NCR1: variants seen among roughly 807,000 people sequenced by gnomAD.
NCR1 encodes NK cell-activating receptor.
Under a neutral mutation model 32.5 loss-of-function variants are expected in NCR1, and 30 were observed. The ratio of observed to expected loss-of-function variants is 0.92; its 90% CI spans 0.69 to 1.25. The LOEUF (loss-of-function observed/expected upper bound fraction) is 1.25, where lower values mean the gene tolerates loss of function less well. Ranked by LOEUF, NCR1 falls within the 50% of genes most tolerant of loss-of-function variation. The pLI, the probability that NCR1 is intolerant of heterozygous loss-of-function variation, is 0.00. For missense variants in NCR1, 369 were observed against 380.7 expected (o/e 0.97, Z 0.26); for synonymous variants, 169 against 143.4 (o/e 1.18, Z -1.28).
At chr19:54,936,760 C>G in the NCR1 span, among the ~76,000 whole-genome samples, 1 of 151,982 alleles carries the variant, frequency 6.6e-6, no homozygotes, top group Non-Finnish European at 1.5e-5. Context: ...ACTAAAAATA[C>G]AAAAATTAGC....
At chr19:54,909,708 G>A (rs754120027) in intron 4 of NCR1, among the ~76,000 whole-genome samples, 185 bp downstream of exon 4, 6 of 152,002 alleles carry the variant, frequency 3.9e-5, no homozygotes, top group Non-Finnish European at 7.4e-5. Flanking sequence ...ATGGTAAGGC[G>A]GGTGGATCAC....
chr19:54,934,057 A>C, the NCR1 span, among the ~76,000 whole-genome samples: 2 of 152,040 alleles, frequency 1.3e-5, no homozygotes, highest in South Asian at 2.1e-4. The surrounding 1 kb of genome is among the most constrained non-coding windows in gnomAD (Gnocchi z 6.7). Flanking sequence ...CATTCTGCTG[A>C]CTCAGCCTCC....
the NCR1 span, among the ~76,000 whole-genome samples, chr19:54,928,806 G>A: frequency 9.7e-6 from 1 of 103,560 alleles, no homozygotes; most frequent in Admixed American, 1.0e-4. Context: ...GAAGCCTTTG[G>A]TTTTGTTTTT....
At chr19:54,933,583 T>C in the NCR1 span, 1 of 1,614,042 alleles carries the variant, frequency 6.2e-7, no homozygotes, top group African/African-American at 1.3e-5. Context: ...AGGTCTGCAG[T>C]TTACAATCAG....
chr19:54,918,050 G>A (rs544515004), downstream of NCR1, among the ~76,000 whole-genome samples: 13 of 151,792 alleles, frequency 8.6e-5, no homozygotes, highest in East Asian at 1.2e-3. Context: ...TCCGCCTCCC[G>A]GGATCACACC....
downstream of NCR1, among the ~76,000 whole-genome samples, chr19:54,917,114 C>T (rs564190438): frequency 6.6e-6 from 1 of 151,944 alleles, no homozygotes; most frequent in East Asian, 2.0e-4. Flanking sequence ...ACTTCTCTGG[C>T]TTTCTCGGAC....
At chr19:54,912,584 A>G (rs2068025943) in intron 6 of NCR1, 106 bp from the exon 7 acceptor site, 1 of 920,716 alleles carries the variant, frequency 1.1e-6, no homozygotes. Context: ...GGGCGACAAG[A>G]CTGAGGCTCT....
chr19:54,911,316 T>C (rs982946211), intron 5 of NCR1, among the ~76,000 whole-genome samples: 2 of 144,058 alleles, frequency 1.4e-5, no homozygotes, highest in African/African-American at 5.1e-5. Context: ...GCCACTGCAC[T>C]CCAGCCTGGG....
chr19:54,938,013 G>C, the NCR1 span: 35 of 1,544,552 alleles, frequency 2.3e-5, no homozygotes, highest in Non-Finnish European at 3.0e-5. Context: ...CATCGTTCAG[G>C]GTCTTCCTTG....
At chr19:54,912,664 C>T (rs370136474) in intron 6 of NCR1, 26 bp from the exon 7 acceptor site, 57 of 1,279,008 alleles carry the variant, frequency 4.5e-5, no homozygotes, top group African/African-American at 4.2e-4. Context: ...TCCCTGTCAG[C>T]GATCACCCTG....
chr19:54,901,989 TTAAA>T (rs1294714436), upstream of NCR1, among the ~76,000 whole-genome samples: 1 of 152,180 alleles, frequency 6.6e-6, no homozygotes, highest in African/African-American at 2.4e-5. Context: ...GACATGACAA[TTAAA>T]TAAATTGTGT....
the NCR1 span, chr19:54,934,803 G>A: frequency 1.2e-5 from 8 of 657,742 alleles, no homozygotes; most frequent in Admixed American, 3.0e-5. The surrounding 1 kb of genome is among the most constrained non-coding windows in gnomAD (Gnocchi z 6.7). Context: ...TCCGCCTCCC[G>A]GGTTCAAGCT....
the NCR1 span, among the ~76,000 whole-genome samples, chr19:54,898,489 G>A: frequency 1.3e-5 from 2 of 152,184 alleles, no homozygotes; most frequent in Non-Finnish European, 2.9e-5. Flanking sequence ...TCAGAAATAT[G>A]TTGCTATTTG....
At chr19:54,936,913 T>A in the NCR1 span, among the ~76,000 whole-genome samples, 1 of 127,344 alleles carries the variant, frequency 7.9e-6, no homozygotes, top group Non-Finnish European at 1.7e-5. Context: ...AGACTCCATC[T>A]CAAAAGAAAA....
At chr19:54,921,687 A>G in the NCR1 span, among the ~76,000 whole-genome samples, 1 of 148,876 alleles carries the variant, frequency 6.7e-6, no homozygotes, top group Non-Finnish European at 1.5e-5. Context: ...CAGAAGACTC[A>G]CTTGAACCCA....
chr19:54,906,313 C>G lies in NCR1; in HGVS notation c.49C>G (p.Gln17Glu). 2 of 1,614,036 alleles carry G rather than the reference C, an allele frequency of 1.2e-6. No homozygotes were observed. Among genetic ancestry groups the G allele is most frequent in the Middle Eastern group, 1.6e-4 (1 of 6,062 alleles). Residue 17 changes from glutamine to glutamate, a missense_variant, in exon 2 of 7, where the codon CAG becomes GAG. Coordinates refer to ENST00000291890, the MANE Select transcript of NCR1 (RefSeq NM_004829.7). ...CCGTCTTCCAGGGCTGTGTCTGAGTCAGAGGATCAGCGCCCAGCAGCGTGA... is the reference window on the plus strand; with the variant it reads ...CCGTCTTCCAGGGCTGTGTCTGAGTGAGAGGATCAGCGCCCAGCAGCGTGA... Reference protein sequence around the residue: ...ALLCVGLCLSQRISAQQQTLP... With the variant: ...ALLCVGLCLSERISAQQQTLP...
the NCR1 span, among the ~76,000 whole-genome samples, chr19:54,928,036 A>C: frequency 6.6e-6 from 1 of 152,072 alleles, no homozygotes; most frequent in Non-Finnish European, 1.5e-5. Flanking sequence ...GAGACCAGCC[A>C]GGCCAACATG....
downstream of NCR1, among the ~76,000 whole-genome samples, chr19:54,917,640 G>A (rs1602080716): frequency 6.6e-6 from 1 of 152,224 alleles, no homozygotes; most frequent in East Asian, 1.9e-4. Context: ...CTCTAGCCTA[G>A]CAGTTCTCTG....
At chr19:54,905,305 G>A (rs587681528), upstream of NCR1, among the ~76,000 whole-genome samples, 4 of 152,200 alleles carry the variant, frequency 2.6e-5, no homozygotes, top group Admixed American at 2.6e-4. Context: ...TGGTATTGTT[G>A]AGGGATAATT....
Sources: allele counts gnomAD v4.1 joint callset (sites outside exome capture counted in the v4.1 genomes callset), GRCh38; gene constraint gnomAD v4.1.1; non-coding constraint Gnocchi (gnomAD v3.1); transcripts MANE v1.5; gene names NCBI Gene and HGNC (gene_info 2026-07-23, HGNC 2026-07-21).